The following BCAS3 variants were observed in gnomAD, a reference collection of about 807,000 sequenced individuals.
The protein encoded by BCAS3 is BCAS4/BCAS3 fusion.
BCAS3 carries 53 observed loss-of-function variants against 116.1 expected under a neutral mutation model. That is an observed-to-expected ratio of 0.46 (90% confidence interval 0.37 to 0.57). BCAS3 has a LOEUF of 0.57. Ranked by LOEUF, BCAS3 falls within the 20% of genes least tolerant of loss-of-function variation. The probability of loss-of-function intolerance (pLI) is 0.00; values close to 1 mark genes in which losing one functional copy is unlikely to be tolerated. For synonymous variants in BCAS3, 391 were observed against 408.2 expected (o/e 0.96, Z 0.51); for missense variants, 917 against 1,165.4 (o/e 0.79, Z 3.10).
At chr17:60,984,673 G>C (rs1251675375) in intron 14 of BCAS3, among the ~76,000 whole-genome samples, 1 of 151,906 alleles carries the variant, frequency 6.6e-6, no homozygotes, top group Non-Finnish European at 1.5e-5. Context: ...AATTTTTTGT[G>C]GGTACATAGT....
intron 22 of BCAS3, among the ~76,000 whole-genome samples, chr17:61,274,828 A>G (rs1203492642): frequency 2.0e-5 from 3 of 152,096 alleles, no homozygotes; most frequent in African/African-American, 4.8e-5. Flanking sequence ...AGGAAACATA[A>G]TTGTCTGTGT....
rs773074954 is a variant in BCAS3, at chr17:61,136,486, C to A, written c.2425+51922C>A. 8.5e-5 allele frequency among the ~76,000 whole-genome samples: 13 copies of A among 152,148 alleles called. No homozygotes were observed. The highest frequency in any genetic ancestry group is 1.8e-4 in the Non-Finnish European group (12 of 68,024). On this transcript the variant is annotated intron_variant, in intron 22 of 23. Coordinates refer to ENST00000407086, the MANE Select transcript of BCAS3 (RefSeq NM_017679.5). The surrounding 1 kb of genome is among the most constrained non-coding windows in gnomAD (Gnocchi z 4.4). ...TTTAGCAGAACCCCTGGCCTCTACC[C>A]GTTAGATAGCAGCACGCCCCCTTCC...
rs947719119 is a variant in BCAS3, at chr17:61,198,884, A to G, written c.2425+114320A>G. ...ACGTAATTGGAAGTTTGAAAGGTAC[A>G]TGTTTCTAAAGCTTTTAAGATAATG... On this transcript the variant is annotated intron_variant, in intron 22 of 23. Transcript: ENST00000407086. The surrounding 1 kb of genome is among the most constrained non-coding windows in gnomAD (Gnocchi z 5.0). 6.6e-6 allele frequency among the ~76,000 whole-genome samples: 1 copy of G among 152,218 alleles called. No individual in the cohort carries two copies. Among genetic ancestry groups the G allele is most frequent in the African/African-American group, 2.4e-5 (1 of 41,460 alleles).
At chr17:60,972,949 C>T (rs938055953) in intron 14 of BCAS3, among the ~76,000 whole-genome samples, 3 of 152,144 alleles carry the variant, frequency 2.0e-5, no homozygotes, top group African/African-American at 7.2e-5. Context: ...TAACTCTCTT[C>T]GTCTTGAGAC....
chr17:61,079,916 G>A (rs1300154082), intron 21 of BCAS3, among the ~76,000 whole-genome samples: 1 of 106,606 alleles, frequency 9.4e-6, no homozygotes, highest in Non-Finnish European at 1.8e-5. Flanking sequence ...TTTTGAGACT[G>A]AGTCCCACTC....
rs369817889 is a variant in BCAS3 at position 61,121,540 on chromosome 17, T to G, written c.2425+36976T>G. Among the ~76,000 whole-genome samples, 11 of 152,296 alleles carry G rather than the reference T, an allele frequency of 7.2e-5. No homozygotes were observed. In the East Asian group the frequency reaches 1.9e-3, roughly 27 times the overall value. On this transcript the variant is annotated intron_variant, in intron 22 of 23. Transcript: ENST00000407086. ...ACTGTGCAAAAAGTATTATGAAAAA[T>G]TATGCAGTTGTGGATTTATACAACT...
intron 10 of BCAS3, among the ~76,000 whole-genome samples, chr17:60,893,235 T>C (rs1316855709): frequency 6.6e-6 from 1 of 152,184 alleles, no homozygotes; most frequent in Non-Finnish European, 1.5e-5. Flanking sequence ...GTGCAGGAAC[T>C]TTTTAGTTTA....
At chr17:60,934,752 A>G (rs138039676) in intron 13 of BCAS3, among the ~76,000 whole-genome samples, 80 of 152,314 alleles carry the variant, frequency 5.3e-4, no homozygotes, top group African/African-American at 1.8e-3. Context: ...TTTCCCAAAG[A>G]TATATATTCA....
chr17:60,833,882 C>T (rs1449325802), intron 7 of BCAS3, among the ~76,000 whole-genome samples: 1 of 152,124 alleles, frequency 6.6e-6, no homozygotes, highest in African/African-American at 2.4e-5. Context: ...AAACATTTTA[C>T]TTCTCTGTCT....
chr17:61,167,866 T>C (rs2078608933), intron 22 of BCAS3, among the ~76,000 whole-genome samples: 1 of 152,208 alleles, frequency 6.6e-6, no homozygotes, highest in South Asian at 2.1e-4. Context: ...GATTCGTAGC[T>C]ATTTTCTTTT....
chr17:61,314,202 A>G (rs1370605428), intron 22 of BCAS3, among the ~76,000 whole-genome samples: 2 of 152,110 alleles, frequency 1.3e-5, no homozygotes, highest in Non-Finnish European at 2.9e-5. Context: ...TTGATCTTGT[A>G]ATGTCCGCAT....
intron 15 of BCAS3, among the ~76,000 whole-genome samples, chr17:61,014,109 G>T (rs962361707): frequency 3.9e-5 from 6 of 152,020 alleles, no homozygotes; most frequent in Non-Finnish European, 8.8e-5. Context: ...GTTTACTGTG[G>T]TTATTTAAAA....
chr17:60,931,553 A>G (rs1350631804), intron 13 of BCAS3, among the ~76,000 whole-genome samples: 4 of 152,174 alleles, frequency 2.6e-5, no homozygotes, highest in African/African-American at 9.7e-5. Flanking sequence ...CTAGGATTAC[A>G]GGTGTGAGCT....
At chr17:60,837,695 C>T (rs2051490474) in intron 7 of BCAS3, among the ~76,000 whole-genome samples, 1 of 150,302 alleles carries the variant, frequency 6.7e-6, no homozygotes, top group African/African-American at 2.5e-5. Context: ...CTCTTGTTGC[C>T]CAAGCTGGAG....
At chr17:60,927,446 G>A (rs1298088987) in intron 13 of BCAS3, among the ~76,000 whole-genome samples, 1 of 151,932 alleles carries the variant, frequency 6.6e-6, no homozygotes, top group Non-Finnish European at 1.5e-5. Context: ...TAGTAGAGAC[G>A]GGGTTTCACC....
At chr17:60,841,002 T>C (rs1014455715) in intron 7 of BCAS3, among the ~76,000 whole-genome samples, 2 of 152,170 alleles carry the variant, frequency 1.3e-5, no homozygotes, top group Non-Finnish European at 2.9e-5. Context: ...TGGAGGCTCA[T>C]TTGGTTAAAT....
rs1002570706 is a variant in BCAS3, at chr17:61,189,644, A to C, written c.2425+105080A>C. Among the ~76,000 whole-genome samples, 77 of 152,214 alleles carry C rather than the reference A, an allele frequency of 5.1e-4. 1 individual carries two copies. Among genetic ancestry groups the C allele is most frequent in the African/African-American group, 1.7e-3 (71 of 41,456 alleles). The stretch of plus-strand genomic sequence containing the variant: ...AAGAATGGAGAGGAATAGAAAGTTG[A>C]AAAATAGCTACAAGTAAAAATTGTC... On this transcript the variant is annotated intron_variant, in intron 22 of 23. Transcript: ENST00000407086. This position sits in a 1 kb window ranked among gnomAD's most constrained non-coding sequence, Gnocchi z 4.5.
In BCAS3 at chr17:61,362,184, CGTTTGGTGAGCA is replaced by C. The variant is rs2058484822; in HGVS notation, c.2426-6135_2426-6124del. 6.6e-6 allele frequency among the ~76,000 whole-genome samples: 1 copy of C among 152,206 alleles called. No individual in the cohort carries two copies. The highest frequency in any genetic ancestry group is 1.5e-5 in the Non-Finnish European group (1 of 68,034). Reference sequence around the variant, plus strand: ...TCCCCGCAGCAGCACTCTTAAGCTCCGTTTGGTGAGCAGTTTGGTAAGCTTGCCAAGGAGGCT... The same window carrying C: ...TCCCCGCAGCAGCACTCTTAAGCTCCGTTTGGTAAGCTTGCCAAGGAGGCT... On this transcript the variant is annotated intron_variant, in intron 22 of 23. Coordinates refer to ENST00000407086, the MANE Select transcript of BCAS3 (RefSeq NM_017679.5). This position sits in a 1 kb window ranked among gnomAD's most constrained non-coding sequence, Gnocchi z 4.4.
chr17:61,349,631 G>A lies in BCAS3; in HGVS notation c.2426-18696G>A, dbSNP rs1459145398. Among the ~76,000 whole-genome samples the A allele has an allele frequency of 6.6e-6, 1 of 152,170 alleles. No individual in the cohort carries two copies. Among genetic ancestry groups the A allele is most frequent in the East Asian group, 1.9e-4 (1 of 5,196 alleles). On this transcript the variant is annotated intron_variant, in intron 22 of 23. Transcript: ENST00000407086. This position sits in a 1 kb window ranked among gnomAD's most constrained non-coding sequence, Gnocchi z 4.7. ...TAATCCAACATGTTTTTTAAAGCTA[G>A]CATATGTTTCAAAGCTGACTATTAA...
Sources: gnomAD v4.1 joint callset for allele counts (sites outside exome capture counted in the v4.1 genomes callset) on GRCh38, gnomAD v4.1.1 for gene constraint, Gnocchi (gnomAD v3.1) non-coding constraint, MANE v1.5 for transcripts, NCBI Gene and HGNC (gene_info 2026-07-23, HGNC 2026-07-21) for gene names.